TTC23: variants seen among roughly 807,000 people sequenced by gnomAD.
TTC23 encodes the protein tetratricopeptide repeat domain 23.
TTC23 carries 58 observed loss-of-function variants against 55.1 expected under a neutral mutation model. The observed-to-expected ratio is 1.05, with a 90% confidence interval of 0.85 to 1.31. The LOEUF (loss-of-function observed/expected upper bound fraction) is 1.31. Ranked by LOEUF, TTC23 falls within the 50% of genes most tolerant of loss-of-function variation. The pLI, the probability that TTC23 is intolerant of heterozygous loss-of-function variation, is 0.00. For missense variants in TTC23, 516 were observed against 534.4 expected (o/e 0.97, Z 0.34); for synonymous variants, 203 against 199.9 (o/e 1.02, Z -0.13).
intron 5 of TTC23, among the ~76,000 whole-genome samples, chr15:99,223,746 A>G (rs2078145501): frequency 6.6e-6 from 1 of 152,220 alleles, no homozygotes; most frequent in Admixed American, 6.5e-5. Flanking sequence ...CTTCAAGACC[A>G]GCTGATGCTG....
At position 99,182,080 on chromosome 15, in the gene TTC23, A is replaced by G. The variant is rs1459506874; in HGVS notation, c.760-6925T>C. Among the ~76,000 whole-genome samples the G allele has an allele frequency of 4.3e-4, 65 of 152,226 alleles. 2 individuals carry two copies. The highest frequency in any genetic ancestry group is 4.3e-3 in the Admixed American group (65 of 15,278). Reference sequence around the variant, plus strand: ...TTTAAATGATAAGAGTATTACCTGCATAGAATCTTAAAAAATCTTAAGTGG... The same window carrying G: ...TTTAAATGATAAGAGTATTACCTGCGTAGAATCTTAAAAAATCTTAAGTGG... On this transcript the variant is annotated intron_variant, in intron 9 of 13. Transcript: ENST00000394132.
chr15:99,149,732 C>T (rs1283726093), intron 12 of TTC23, among the ~76,000 whole-genome samples: 1 of 152,252 alleles, frequency 6.6e-6, no homozygotes, highest in Non-Finnish European at 1.5e-5. Context: ...CTCTGTTTAA[C>T]AGAGCTATGC....
At chr15:99,170,241 C>T (rs182519104) in intron 10 of TTC23, among the ~76,000 whole-genome samples, 1 of 152,094 alleles carries the variant, frequency 6.6e-6, no homozygotes, top group African/African-American at 2.4e-5. Flanking sequence ...AGGGAAGGCA[C>T]AGAGCAAAGG....
rs1036575444 is a variant in TTC23, at chr15:99,234,049, T to G, written c.-21+939A>C. Among the ~76,000 whole-genome samples the G allele has an allele frequency of 2.6e-5, 4 of 152,292 alleles. No homozygotes were observed. In the South Asian group the frequency reaches 6.2e-4, roughly 24 times the overall value. ...ACAAAAATTAACTCAAAATTGAACA[T>G]AGAGTTAAATATAAAACTTAAAACT... On this transcript the variant is annotated intron_variant, in intron 4 of 13. Transcript: ENST00000394132.
chr15:99,150,049 G>A (rs1555496075), intron 12 of TTC23, among the ~76,000 whole-genome samples: 1 of 152,206 alleles, frequency 6.6e-6, no homozygotes, highest in Non-Finnish European at 1.5e-5. Context: ...GAGGGGGAAG[G>A]AAAGCAGGTA....
At chr15:99,176,183 A>T (rs2073527786) in intron 9 of TTC23, among the ~76,000 whole-genome samples, 1 of 152,212 alleles carries the variant, frequency 6.6e-6, no homozygotes, top group Admixed American at 6.5e-5. Context: ...AGGATTGCCT[A>T]CTATAGGAGA....
intron 5 of TTC23, among the ~76,000 whole-genome samples, chr15:99,223,326 G>A (rs1343607878): frequency 6.6e-6 from 1 of 152,164 alleles, no homozygotes; most frequent in African/African-American, 2.4e-5. Context: ...TCTTTAAAGA[G>A]GTGATTTAAG....
chr15:99,177,340 T>C (rs2073679256), intron 9 of TTC23, among the ~76,000 whole-genome samples: 1 of 152,246 alleles, frequency 6.6e-6, no homozygotes, highest in Admixed American at 6.5e-5. Flanking sequence ...ATATGTGATT[T>C]TGGCAACCCC....
chr15:99,247,200 C>T (rs979830385), intron 1 of TTC23, among the ~76,000 whole-genome samples: 2 of 152,062 alleles, frequency 1.3e-5, no homozygotes, highest in African/African-American at 4.8e-5. Context: ...CAAATTGGAA[C>T]CCTCATACAC....
rs2073372729 is a variant in TTC23 at position 99,174,962 on chromosome 15, C to T, written c.865+88G>A. On this transcript the variant is annotated intron_variant, in intron 10 of 13. Transcript: ENST00000394132. ...GCTCTGTGGCGGGCCTGTGTCGCGG[C>T]TCTGTCCACCTGTTAACCCATCTAG... is the stretch of plus-strand genomic sequence containing the variant. The T allele has an allele frequency of 9.0e-6, 10 of 1,113,904 alleles. No homozygotes were observed. The South Asian group carries it at 1.5e-4, about 16-fold the overall frequency. The allele number at this position is 1,113,904 out of a possible 1,614,324, so 69.0% of individuals were successfully genotyped here.
intron 11 of TTC23, 123 bp downstream of exon 11, chr15:99,161,617 C>T: frequency 9.0e-7 from 1 of 1,116,978 alleles, no homozygotes; most frequent in Non-Finnish European, 1.3e-6. Flanking sequence ...TTTATGTGTC[C>T]CTCTAGAGAC....
At chr15:99,220,877 T>C (rs1265244131) in intron 6 of TTC23, among the ~76,000 whole-genome samples, 1 of 152,194 alleles carries the variant, frequency 6.6e-6, no homozygotes, top group African/African-American at 2.4e-5. Context: ...CTATTGTTTT[T>C]GCCTCCCCTG....
At chr15:99,240,609 C>T (rs2152093422) in intron 3 of TTC23, among the ~76,000 whole-genome samples, 1 of 152,324 alleles carries the variant, frequency 6.6e-6, no homozygotes, top group East Asian at 1.9e-4. Flanking sequence ...CCACCAATCC[C>T]TATTGGCTAC....
intron 11 of TTC23, among the ~76,000 whole-genome samples, chr15:99,156,771 A>C (rs548633976): frequency 6.6e-6 from 1 of 152,340 alleles, no homozygotes; most frequent in African/African-American, 2.4e-5. Flanking sequence ...ACACAGCCAA[A>C]TCATATCACC....
intron 2 of TTC23, among the ~76,000 whole-genome samples, chr15:99,242,494 A>G (rs2079898539): frequency 6.6e-6 from 1 of 152,238 alleles, no homozygotes; most frequent in Non-Finnish European, 1.5e-5. Context: ...TTGTTCTATG[A>G]GGTCAGTATT....
intron 9 of TTC23, among the ~76,000 whole-genome samples, chr15:99,197,734 C>T (rs920346520): frequency 1.3e-5 from 2 of 151,732 alleles, no homozygotes; most frequent in African/African-American, 4.8e-5. Context: ...GGTAAAACAT[C>T]ATCTCTACTA....
At chr15:99,176,998 C>T (rs1216012434) in intron 9 of TTC23, among the ~76,000 whole-genome samples, 1 of 152,170 alleles carries the variant, frequency 6.6e-6, no homozygotes, top group East Asian at 1.9e-4. Context: ...TCATCTATGG[C>T]AGCTGGCACA....
At chr15:99,183,488 AT>A (rs1228350832) in intron 9 of TTC23, among the ~76,000 whole-genome samples, 94 of 122,576 alleles carry the variant, frequency 7.7e-4, no homozygotes, top group Middle Eastern at 4.3e-3. Flanking sequence ...CGCCCAGCTG[AT>A]TTTTTGTATT....
At chr15:99,228,816 T>C (rs74809220) in intron 4 of TTC23, 84 bp from the exon 5 acceptor site, 28,615 of 1,135,214 alleles carry the variant, frequency 0.025, 453 homozygotes, top group Non-Finnish European at 0.029. Flanking sequence ...ACTATACCCA[T>C]AATTTCTTTG....
Sources: gnomAD v4.1 joint callset for allele counts (sites outside exome capture counted in the v4.1 genomes callset) on GRCh38, gnomAD v4.1.1 for gene constraint, MANE v1.5 for transcripts, NCBI Gene and HGNC (gene_info 2026-07-23, HGNC 2026-07-21) for gene names.